SFMBT2: variants seen among roughly 807,000 people sequenced by gnomAD.
SFMBT2 encodes scm-like with four MBT domains protein 2.
Under a neutral mutation model 110.1 loss-of-function variants are expected in SFMBT2, and 38 were observed. The ratio of observed to expected loss-of-function variants is 0.35; its 90% CI spans 0.27 to 0.45. The LOEUF (loss-of-function observed/expected upper bound fraction) is 0.45, where lower values mean the gene tolerates loss of function less well. Among genes scored for constraint, SFMBT2 ranks in the 20% least tolerant of loss-of-function variants. SFMBT2 has a pLI of 1.00. For missense variants in SFMBT2, 1,011 were observed against 1,094.9 expected (o/e 0.92, Z 1.08); for synonymous variants, 425 against 425.4 (o/e 1.00, Z 0.01).
intron 11 of SFMBT2, among the ~76,000 whole-genome samples, chr10:7,217,591 C>A (rs763395118): frequency 1.3e-5 from 2 of 152,078 alleles, no homozygotes; most frequent in Non-Finnish European, 2.9e-5. Flanking sequence ...TTCTTCTGGG[C>A]TAAAGAGCTA....
intron 4 of SFMBT2, among the ~76,000 whole-genome samples, chr10:7,341,232 G>A (rs894304630): frequency 2.0e-5 from 3 of 152,064 alleles, no homozygotes; most frequent in Non-Finnish European, 4.4e-5. Flanking sequence ...TTCCTGTTGT[G>A]GACACTAAGG....
chr10:7,256,904 C>T (rs1841024452), intron 7 of SFMBT2, among the ~76,000 whole-genome samples: 1 of 152,036 alleles, frequency 6.6e-6, no homozygotes, highest in South Asian at 2.1e-4. Flanking sequence ...GCAGCCTGGC[C>T]TACATTATGA....
At chr10:7,396,557 T>G (rs922383029) in intron 1 of SFMBT2, among the ~76,000 whole-genome samples, 5 of 152,232 alleles carry the variant, frequency 3.3e-5, no homozygotes, top group Non-Finnish European at 7.4e-5. Flanking sequence ...TAAAGATAAG[T>G]CCAGTTCCAA....
chr10:7,297,216 G>A (rs944481731), intron 4 of SFMBT2, among the ~76,000 whole-genome samples: 1 of 152,220 alleles, frequency 6.6e-6, no homozygotes, highest in Non-Finnish European at 1.5e-5. Flanking sequence ...GCCTTTGAGA[G>A]TGCACAGAAG....
chr10:7,336,087 C>T (rs902393871), intron 4 of SFMBT2, among the ~76,000 whole-genome samples: 1 of 152,180 alleles, frequency 6.6e-6, no homozygotes, highest in Non-Finnish European at 1.5e-5. Context: ...TAACTCAGTT[C>T]CAACAGTTTT....
intron 4 of SFMBT2, chr10:7,286,410 C>A (rs1382475084): frequency 1.0e-6 from 1 of 971,774 alleles, no homozygotes; most frequent in African/African-American, 1.8e-5. Flanking sequence ...CACAAAATAA[C>A]AAGAGGGGTG....
At chr10:7,244,790 A>G (rs1840555969) in intron 8 of SFMBT2, among the ~76,000 whole-genome samples, 1 of 152,170 alleles carries the variant, frequency 6.6e-6, no homozygotes, top group Non-Finnish European at 1.5e-5. Context: ...TTCAAAGTGA[A>G]GCAGGAAAGG....
At chr10:7,319,908 AAGAG>A (rs1295807224) in intron 4 of SFMBT2, among the ~76,000 whole-genome samples, 6 of 125,146 alleles carry the variant, frequency 4.8e-5, no homozygotes, top group South Asian at 5.3e-4. Flanking sequence ...GAGAGAGACT[AAGAG>A]AGAGAGACAG....
At chr10:7,186,788 G>A (rs1467245436) in intron 16 of SFMBT2, among the ~76,000 whole-genome samples, 1 of 152,218 alleles carries the variant, frequency 6.6e-6, no homozygotes, top group Non-Finnish European at 1.5e-5. Flanking sequence ...CAGAAGGGAA[G>A]AGGTGACTCA....
intron 1 of SFMBT2, among the ~76,000 whole-genome samples, chr10:7,397,333 T>C (rs1288721744): frequency 2.0e-5 from 3 of 151,716 alleles, no homozygotes; most frequent in Admixed American, 1.3e-4. Flanking sequence ...CTTGCCACTC[T>C]GCAAAGGGAA....
rs895314552 is a variant in SFMBT2 at position 7,301,647 on chromosome 10, A to G, written c.437-15693T>C. 6.6e-6 allele frequency among the ~76,000 whole-genome samples: 1 copy of G among 152,156 alleles called. No individual in the cohort carries two copies. Among genetic ancestry groups the G allele is most frequent in the Non-Finnish European group, 1.5e-5 (1 of 68,014 alleles). On this transcript the variant is annotated intron_variant, in intron 4 of 20. Coordinates refer to ENST00000397167, the MANE Select transcript of SFMBT2 (RefSeq NM_001387889.1). The surrounding 1 kb of genome is among the most constrained non-coding windows in gnomAD (Gnocchi z 4.2). Reference sequence around the variant, plus strand: ...CAAACCAGAGACTGCAATGAGAGGGAGGAGCTGCAGCTCCAAGTTGGGCCA... The same window carrying G: ...CAAACCAGAGACTGCAATGAGAGGGGGGAGCTGCAGCTCCAAGTTGGGCCA...
intron 17 of SFMBT2, among the ~76,000 whole-genome samples, chr10:7,174,843 G>A (rs935253753): frequency 1.1e-4 from 17 of 152,224 alleles, no homozygotes; most frequent in African/African-American, 3.9e-4. Flanking sequence ...CACACCTGCG[G>A]GCCCTACCTG....
chr10:7,265,996 T>C (rs1588398766), intron 7 of SFMBT2, among the ~76,000 whole-genome samples: 1 of 152,034 alleles, frequency 6.6e-6, no homozygotes, highest in African/African-American at 2.4e-5. Context: ...TGCTATATAA[T>C]AGTCGGGGGA....
At position 7,188,609 on chromosome 10, in the gene SFMBT2, A is replaced by G. The variant is rs1186337134; in HGVS notation, c.1808+15T>C. ...ATTACAAAAACCCTTGCTTTCCAGA[A>G]TTGAAAACACTTACTTGGCCTTCAG... is the stretch of plus-strand genomic sequence containing the variant. On this transcript the variant is annotated intron_variant, in intron 16 of 20. Coordinates refer to ENST00000397167, the MANE Select transcript of SFMBT2 (RefSeq NM_001387889.1). The G allele has an allele frequency of 1.2e-6, 2 of 1,604,560 alleles. No homozygotes were observed. The highest frequency in any genetic ancestry group is 3.4e-5 in the Admixed American group (2 of 59,404).
At chr10:7,392,058 T>C (rs1464166835) in intron 1 of SFMBT2, among the ~76,000 whole-genome samples, 2 of 152,166 alleles carry the variant, frequency 1.3e-5, no homozygotes, top group African/African-American at 4.8e-5. Flanking sequence ...GTCTCCTTAA[T>C]GTAGAATCCC....
intron 12 of SFMBT2, chr10:7,203,052 A>T (rs1839009418): frequency 1.0e-6 from 1 of 985,356 alleles, no homozygotes; most frequent in African/African-American, 1.7e-5. Flanking sequence ...TTTGGATAAG[A>T]ACATTTCCAG....
At chr10:7,180,532 G>A (rs1838215024) in intron 16 of SFMBT2, among the ~76,000 whole-genome samples, 1 of 152,120 alleles carries the variant, frequency 6.6e-6, no homozygotes, top group South Asian at 2.1e-4. Context: ...AAAGGTCACT[G>A]GGGCCCAACT....
At chr10:7,298,568 T>C (rs1309869145) in intron 4 of SFMBT2, among the ~76,000 whole-genome samples, 1 of 152,130 alleles carries the variant, frequency 6.6e-6, no homozygotes, top group East Asian at 1.9e-4. Flanking sequence ...GCCCATACAA[T>C]GAAATACAAG....
chr10:7,349,938 C>G (rs1844255247), intron 4 of SFMBT2, among the ~76,000 whole-genome samples: 1 of 152,066 alleles, frequency 6.6e-6, no homozygotes, highest in Non-Finnish European at 1.5e-5. Flanking sequence ...TATGGGAAGC[C>G]AACTCTCAAA....
Sources: allele counts gnomAD v4.1 joint callset (sites outside exome capture counted in the v4.1 genomes callset), GRCh38; gene constraint gnomAD v4.1.1; non-coding constraint Gnocchi (gnomAD v3.1); transcripts MANE v1.5; gene names NCBI Gene and HGNC (gene_info 2026-07-23, HGNC 2026-07-21).